Variants in ZNF831 observed in about 807,000 individuals in gnomAD.
ZNF831 encodes zinc finger protein 831.
A neutral mutation model predicts 95.8 loss-of-function variants in ZNF831; 59 were observed. The ratio of observed to expected loss-of-function variants is 0.62; its 90% confidence interval spans 0.50 to 0.77. The LOEUF is 0.77. Among genes scored for constraint, ZNF831 ranks in the 30% least tolerant of loss-of-function variants. The pLI is 0.00. For missense variants in ZNF831, 2,205 were observed against 2,164.0 expected, an observed-to-expected ratio of 1.02 and a Z score of -0.38; for synonymous variants, 961 against 925.5, an observed-to-expected ratio of 1.04 and a Z score of -0.70.
chr20:59,246,896 C>T (rs1987638681), intron 4 of ZNF831, among the ~76,000 whole-genome samples: 1 of 152,226 alleles, frequency 6.6e-6, no homozygotes, highest in South Asian at 2.1e-4. Flanking sequence ...GTCGGAGCTG[C>T]TTCTCACTGC....
At chr20:59,168,335 C>T (rs1981449167) in intron 1 of ZNF831, among the ~76,000 whole-genome samples, 1 of 151,648 alleles carries the variant, frequency 6.6e-6, no homozygotes, top group African/African-American at 2.4e-5. Context: ...CTACATATTT[C>T]GTTTTTCATT....
intron 4 of ZNF831, among the ~76,000 whole-genome samples, chr20:59,225,262 T>C (rs1030059986): frequency 6.6e-6 from 1 of 152,248 alleles, no homozygotes; most frequent in Non-Finnish European, 1.5e-5. Context: ...TGTTCTTTTT[T>C]ATTTTGTTAG....
rs779803051 is a variant in ZNF831, at chr20:59,194,514, C to T, written c.3495C>T (p.Arg1165=). Reference sequence around the variant, plus strand: ...GGACGTCCCGGAGCCACAGCACCCGCAGTCCCCACAGCACCCAAAACCCCT... The same window carrying T: ...GGACGTCCCGGAGCCACAGCACCCGTAGTCCCCACAGCACCCAAAACCCCT... The part of the protein sequence containing the change: ...HSGTSRSHST[R]SPHSTQNPFP... Residue 1165 remains arginine (R), a synonymous_variant, in exon 2 of 6, where the codon CGC becomes CGT. Coordinates refer to ENST00000371030, the MANE Select transcript of ZNF831 (RefSeq NM_178457.3). 9 of 1,608,858 alleles carry T rather than the reference C, an allele frequency of 5.6e-6. No individual in the cohort carries two copies. Among genetic ancestry groups the T allele is most frequent in the Non-Finnish European group, 7.6e-6 (9 of 1,177,616 alleles).
At chr20:59,242,504 A>G in intron 4 of ZNF831, among the ~76,000 whole-genome samples, 1 of 152,350 alleles carries the variant, frequency 6.6e-6, no homozygotes, top group Non-Finnish European at 1.5e-5. Flanking sequence ...CTAGGCACAA[A>G]TATTAACGAT....
intron 1 of ZNF831, among the ~76,000 whole-genome samples, chr20:59,165,116 G>A (rs536360254): frequency 2.6e-5 from 4 of 152,286 alleles, no homozygotes; most frequent in African/African-American, 9.6e-5. Flanking sequence ...TGTGAGATTT[G>A]CTTCCTTAGC....
chr20:59,224,173 G>C (rs888796156), intron 4 of ZNF831, among the ~76,000 whole-genome samples: 1 of 152,228 alleles, frequency 6.6e-6, no homozygotes, highest in Non-Finnish European at 1.5e-5. Flanking sequence ...TGGCGGGTGG[G>C]GGGACTTCCT....
intron 1 of ZNF831, among the ~76,000 whole-genome samples, chr20:59,168,904 A>G (rs1409483502): frequency 2.6e-5 from 4 of 152,176 alleles, no homozygotes; most frequent in African/African-American, 9.7e-5. Context: ...CATTCCTGGA[A>G]TCCTTGTTCA....
Position 59,193,348 on chromosome 20 carries a change from A to G in ZNF831, c.2329A>G (p.Arg777Gly). ...PLKGGDVEAP[R>G]PVWPDPKLEG... ...CAAAGGGGGTGATGTAGAGGCTCCC[A>G]GGCCAGTTTGGCCGGACCCCAAGCT... is the stretch of plus-strand genomic sequence containing the variant. Residue 777 changes from arginine to glycine, a missense_variant, in exon 2 of 6, where the codon AGG (arginine) becomes GGG (glycine). Coordinates refer to ENST00000371030, the MANE Select transcript of ZNF831 (RefSeq NM_178457.3). 6.2e-7 allele frequency: 1 copy of G among 1,611,756 alleles called. No individual in the cohort carries two copies. Among genetic ancestry groups the G allele is most frequent in the Non-Finnish European group, 8.5e-7 (1 of 1,178,918 alleles).
At chr20:59,211,387 GC>G (rs1985320295) in intron 4 of ZNF831, among the ~76,000 whole-genome samples, 1 of 152,228 alleles carries the variant, frequency 6.6e-6, no homozygotes, top group Admixed American at 6.5e-5. Flanking sequence ...AGAAGCCCTA[GC>G]CCAGAGAATA....
At position 59,183,799 on chromosome 20, in the gene ZNF831, T is replaced by C. The variant is rs549941055; in HGVS notation, c.-36-7185T>C. ...GAGGAGAAAGTACAGAGACCTCCCATCCACCTCTTTCAGCCTGTGTCCCCA... is the reference window on the plus strand; with the variant it reads ...GAGGAGAAAGTACAGAGACCTCCCACCCACCTCTTTCAGCCTGTGTCCCCA... On this transcript the variant is annotated intron_variant, in intron 1 of 5. Transcript: ENST00000371030. 2.7e-3 allele frequency among the ~76,000 whole-genome samples: 407 copies of C among 152,350 alleles called. 6 individuals are homozygous for C. The highest frequency in any genetic ancestry group is 9.3e-3 in the African/African-American group (388 of 41,580).
chr20:59,231,122 G>A (rs1299333984), intron 4 of ZNF831, among the ~76,000 whole-genome samples: 1 of 152,180 alleles, frequency 6.6e-6, no homozygotes, highest in Non-Finnish European at 1.5e-5. Context: ...AAGGACATGC[G>A]GTGGATATTG....
rs560859927 is a variant in ZNF831, at chr20:59,208,640, G to A, written c.4027+1584G>A. ...CCAGAGGCATGGGAACTCCAAGTACGAAGTGAGCCTCGGGGGTCATGGTAC... is the reference window on the plus strand; with the variant it reads ...CCAGAGGCATGGGAACTCCAAGTACAAAGTGAGCCTCGGGGGTCATGGTAC... On this transcript the variant is annotated intron_variant, in intron 4 of 5. Coordinates refer to ENST00000371030, the MANE Select transcript of ZNF831 (RefSeq NM_178457.3). This position sits in a 1 kb window ranked among gnomAD's most constrained non-coding sequence, Gnocchi z 4.2. Among the ~76,000 whole-genome samples, 12 of 152,316 alleles carry A rather than the reference G, an allele frequency of 7.9e-5. No individual in the cohort carries two copies. In the South Asian group the frequency reaches 1.2e-3, roughly 16 times the overall value.
At position 59,192,818 on chromosome 20, in the gene ZNF831, G is replaced by A. The variant is rs144506912; in HGVS notation, c.1799G>A (p.Gly600Asp). The A allele has an allele frequency of 5.7e-5, 92 of 1,610,426 alleles. 3 individuals carry two copies. The African/African-American group carries it at 7.6e-4, about 13-fold the overall frequency. Residue 600 changes from glycine (G) to aspartate (D), a missense_variant, in exon 2 of 6, where the codon GGC (glycine) becomes GAC (aspartate). Transcript: ENST00000371030. The surrounding 1 kb of genome is among the most constrained non-coding windows in gnomAD (Gnocchi z 5.2). ...GCGCGGGAGGCCATGGCCGGCAAGG[G>A]CAGAGCGGGCGGCAGGAAGTGCGGC... ...TAAREAMAGK[G>D]RAGGRKCGQR...
intron 3 of ZNF831, among the ~76,000 whole-genome samples, chr20:59,203,297 C>T (rs189612305): frequency 1.7e-3 from 263 of 152,204 alleles, no homozygotes; most frequent in Non-Finnish European, 2.8e-3. Context: ...CCATGAGCAA[C>T]GCATTATTTA....
Position 59,191,638 on chromosome 20 carries a change from G to A in ZNF831, c.619G>A (p.Glu207Lys), listed in dbSNP as rs200054947. 4 of 1,571,876 alleles carry A rather than the reference G, an allele frequency of 2.5e-6. No homozygotes were observed. The highest frequency in any genetic ancestry group is 2.7e-5 in the African/African-American group (2 of 74,058). The change falls in exon 2 of 6, where the codon GAG becomes AAG. Residue 207 changes from glutamate to lysine, a missense_variant. Coordinates refer to ENST00000371030, the MANE Select transcript of ZNF831 (RefSeq NM_178457.3). ...LNNSRLSSES[E>K]GAGGGLLEEG... ...CAACTCCCGGCTGTCCTCAGAGTCC[G>A]AGGGCGCCGGGGGCGGCCTCCTGGA...
At position 59,194,052 on chromosome 20, in the gene ZNF831, C is replaced by T. The variant is rs2146593551; in HGVS notation, c.3033C>T (p.Ser1011=). 1 of 1,528,872 alleles carries T rather than the reference C, an allele frequency of 6.5e-7. No individual in the cohort carries two copies. Among genetic ancestry groups the T allele is most frequent in the Non-Finnish European group, 8.8e-7 (1 of 1,140,092 alleles). 94.7% of individuals were successfully genotyped at this position (1,528,872 alleles called of 1,614,324 possible). Residue 1011 remains serine, a synonymous_variant, in exon 2 of 6, where the codon TCC becomes TCT. Transcript: ENST00000371030. ...ADSILEDPSC[S]RPQDGRKGAQ... The stretch of plus-strand genomic sequence containing the variant: ...GCATCCTGGAGGACCCCAGCTGTTC[C>T]AGGCCACAGGATGGGAGAAAAGGGG...
At chr20:59,131,660 G>C (rs530059797) in intron 1 of ZNF831, among the ~76,000 whole-genome samples, 1 of 152,356 alleles carries the variant, frequency 6.6e-6, no homozygotes, top group South Asian at 2.1e-4. Context: ...GCCTGGGCTA[G>C]AGCAAGGAGG....
At position 59,193,763 on chromosome 20, in the gene ZNF831, A is replaced by C. The variant is rs992582132; in HGVS notation, c.2744A>C (p.Glu915Ala). The change falls in exon 2 of 6, where the codon GAG (glutamate) becomes GCG (alanine). Residue 915 changes from glutamate to alanine, a missense_variant. Glu to Ala is a moderately radical substitution (Grantham distance 107). Transcript: ENST00000371030. ...PLHPAAPAPA[E>A]HPSLATPPQA... is the part of the protein sequence containing the mutation. ...CATCCTGCAGCCCCAGCCCCCGCAG[A>C]GCACCCCTCGCTGGCCACCCCACCT... 2 of 1,607,936 alleles carry C rather than the reference A, an allele frequency of 1.2e-6. No homozygotes were observed. Among genetic ancestry groups the C allele is most frequent in the Admixed American group, 1.7e-5 (1 of 59,556 alleles).
At chr20:59,210,865 C>A in intron 4 of ZNF831, among the ~76,000 whole-genome samples, 1 of 79,316 alleles carries the variant, frequency 1.3e-5, no homozygotes, top group Admixed American at 1.2e-4. Flanking sequence ...CCCCCCGTCT[C>A]TACTAAAAAT....
Sources: allele counts gnomAD v4.1 joint callset (sites outside exome capture counted in the v4.1 genomes callset), GRCh38; gene constraint gnomAD v4.1.1; non-coding constraint Gnocchi (gnomAD v3.1); transcripts MANE v1.5; gene names NCBI Gene and HGNC (gene_info 2026-07-23, HGNC 2026-07-21).